Variants in CSNK2A2 observed in about 807,000 individuals in gnomAD.
CSNK2A2 encodes the protein casein kinase 2 alpha 2, also known as casein kinase II subunit alpha'.
Under a neutral mutation model 54.0 loss-of-function variants are expected in CSNK2A2, and 8 were observed. The ratio of observed to expected loss-of-function variants is 0.15; its 90% CI spans 0.09 to 0.27. The LOEUF is 0.27. Among genes scored for constraint, CSNK2A2 ranks in the 10% least tolerant of loss-of-function variants. CSNK2A2 has a pLI of 1.00. For synonymous variants in CSNK2A2, 141 were observed against 153.9 expected, an observed-to-expected ratio of 0.92 and a Z score of 0.62; for missense variants, 242 against 439.4, an observed-to-expected ratio of 0.55 and a Z score of 4.02.
chr16:58,165,088 T>C (rs1961529085), intron 10 of CSNK2A2, among the ~76,000 whole-genome samples: 1 of 152,174 alleles, frequency 6.6e-6, no homozygotes, highest in African/African-American at 2.4e-5. Context: ...AGTGAGCAGT[T>C]CAGTCAAGAT....
intron 9 of CSNK2A2, 151 bp from the exon 10 acceptor site, chr16:58,165,859 T>A: frequency 1.4e-6 from 1 of 731,822 alleles, no homozygotes. Context: ...GCCCCATAGT[T>A]ACAGCATAGC....
Position 58,197,072 on chromosome 16 carries a change from A to T in CSNK2A2, c.105-228T>A, listed in dbSNP as rs1189984846. ...CCTAACTTGGGAAGATGGGGCAGGA[A>T]GGCAACGCTCTGAGCCAATCCAGAG... On this transcript the variant is annotated intron_variant, in intron 1 of 11. Transcript: ENST00000262506. The surrounding 1 kb of genome is among the most constrained non-coding windows in gnomAD (Gnocchi z 4.0). The T allele has an allele frequency of 2.0e-6, 1 of 509,660 alleles. No homozygotes were observed. Among genetic ancestry groups the T allele is most frequent in the Non-Finnish European group, 3.6e-6 (1 of 280,098 alleles). The allele number at this position is 509,660 out of a possible 1,614,324, so 31.6% of individuals were successfully genotyped here. A position where few individuals can be genotyped will look rare whatever the true frequency, so the allele number is the denominator to read the frequency against.
intron 4 of CSNK2A2, 137 bp downstream of exon 4, chr16:58,184,123 G>T: frequency 1.6e-6 from 1 of 640,234 alleles, no homozygotes; most frequent in Non-Finnish European, 2.7e-6. Flanking sequence ...CTGCACTCAT[G>T]CCTTAAGGAA....
intron 8 of CSNK2A2, among the ~76,000 whole-genome samples, chr16:58,166,963 T>G (rs1451293192): frequency 6.6e-6 from 1 of 152,192 alleles, no homozygotes; most frequent in East Asian, 1.9e-4. Context: ...CTAGTTTTAT[T>G]AGACAAGGAG....
At chr16:58,195,585 C>T (rs1050288939) in intron 2 of CSNK2A2, among the ~76,000 whole-genome samples, 9 of 152,210 alleles carry the variant, frequency 5.9e-5, no homozygotes, top group Non-Finnish European at 1.2e-4. Context: ...TTCTCAATCT[C>T]TCACTAAATG....
At position 58,197,749 on chromosome 16, in the gene CSNK2A2, C is replaced by A; in HGVS notation, c.-13G>T. 1.7e-6 allele frequency: 2 copies of A among 1,193,342 alleles called. No homozygotes were observed. The highest frequency in any genetic ancestry group is 4.3e-5 in the East Asian group (1 of 23,434). The allele number at this position is 1,193,342 out of a possible 1,614,324, so 73.9% of individuals were successfully genotyped here. ...CCGGGCCGGGCATGGCGGGCGGGAC[C>A]GGGGGGCGGCGCGGGGCGCAGAGGG... On this transcript the variant is annotated 5_prime_UTR_variant, in exon 1 of 12. Transcript: ENST00000262506. The surrounding 1 kb of genome is among the most constrained non-coding windows in gnomAD (Gnocchi z 4.0).
chr16:58,197,576 G>T lies in CSNK2A2; in HGVS notation c.104+57C>A. On this transcript the variant is annotated intron_variant, in intron 1 of 11. Coordinates refer to ENST00000262506, the MANE Select transcript of CSNK2A2 (RefSeq NM_001896.4). This position sits in a 1 kb window ranked among gnomAD's most constrained non-coding sequence, Gnocchi z 4.0. The stretch of plus-strand genomic sequence containing the variant: ...CCGGGCCCGAGTGCGGTTCGCAGGG[G>T]GTGGCCGGGCGGGGGCAGGGATCAG... 7.8e-7 allele frequency: 1 copy of T among 1,275,526 alleles called. No homozygotes were observed. Among genetic ancestry groups the T allele is most frequent in the East Asian group, 2.9e-5 (1 of 34,630 alleles). The allele number at this position is 1,275,526 out of a possible 1,614,324, so 79.0% of individuals were successfully genotyped here.
At chr16:58,167,836 C>G (rs1283909016) in intron 6 of CSNK2A2, 41 bp from the exon 7 acceptor site, 1 of 1,491,404 alleles carries the variant, frequency 6.7e-7, no homozygotes, top group Non-Finnish European at 9.4e-7. Context: ...AGGAGTGTTT[C>G]TAGACGCCTA....
At chr16:58,171,110 T>C (rs1053519876) in intron 5 of CSNK2A2, among the ~76,000 whole-genome samples, 1 of 152,116 alleles carries the variant, frequency 6.6e-6, no homozygotes, top group African/African-American at 2.4e-5. Context: ...TTGAGGACAC[T>C]TGAATGGACT....
intron 3 of CSNK2A2, 23 bp downstream of exon 3, chr16:58,186,732 T>A: frequency 6.3e-7 from 1 of 1,574,988 alleles, no homozygotes. Flanking sequence ...ACTAGTATAC[T>A]CCCCCAACCA....
At chr16:58,171,979 A>ATATATATTTTTTT (rs1261137669) in intron 5 of CSNK2A2, among the ~76,000 whole-genome samples, 10 of 66,182 alleles carry the variant, frequency 1.5e-4, no homozygotes, top group Non-Finnish European at 2.0e-4. Flanking sequence ...ATATATATAT[A>ATATATATTTTTTT]TTTTTTTTTT....
At chr16:58,183,341 C>T (rs1236585118) in intron 4 of CSNK2A2, among the ~76,000 whole-genome samples, 1 of 151,248 alleles carries the variant, frequency 6.6e-6, no homozygotes, top group African/African-American at 2.4e-5. Flanking sequence ...CACACCATTG[C>T]ACTCCTGCCT....
At chr16:58,175,578 G>A (rs748436952) in intron 4 of CSNK2A2, among the ~76,000 whole-genome samples, 4 of 152,128 alleles carry the variant, frequency 2.6e-5, no homozygotes, top group East Asian at 3.9e-4. Context: ...CTGGTTTCAC[G>A]TATATATGTG....
At chr16:58,181,234 A>G (rs1962032250) in intron 4 of CSNK2A2, among the ~76,000 whole-genome samples, 1 of 152,234 alleles carries the variant, frequency 6.6e-6, no homozygotes, top group African/African-American at 2.4e-5. Context: ...GCCAACAGCG[A>G]AAGGCCAAAA....
At chr16:58,195,344 T>C (rs1962412184) in intron 2 of CSNK2A2, among the ~76,000 whole-genome samples, 1 of 152,224 alleles carries the variant, frequency 6.6e-6, no homozygotes, top group Admixed American at 6.5e-5. Context: ...TCTGCTCCTT[T>C]ATCACTAGGC....
intron 10 of CSNK2A2, 123 bp from the exon 11 acceptor site, chr16:58,164,270 C>A: frequency 2.8e-6 from 2 of 713,528 alleles, no homozygotes; most frequent in Non-Finnish European, 4.7e-6. Flanking sequence ...GTCAGGGGGG[C>A]AACAGGAGAG....
At chr16:58,172,001 T>G (rs1321748598) in intron 5 of CSNK2A2, among the ~76,000 whole-genome samples, 1 of 102,488 alleles carries the variant, frequency 9.8e-6, no homozygotes, top group African/African-American at 4.3e-5. Flanking sequence ...TTTTTTTTTT[T>G]GGTAGCTATG....
At chr16:58,193,781 C>T (rs1227404596) in intron 2 of CSNK2A2, among the ~76,000 whole-genome samples, 1 of 152,174 alleles carries the variant, frequency 6.6e-6, no homozygotes, top group Non-Finnish European at 1.5e-5. Context: ...TCTGCCCTGC[C>T]ATATAAACGC....
At chr16:58,195,444 T>C (rs8056660) in intron 2 of CSNK2A2, among the ~76,000 whole-genome samples, 13,733 of 152,176 alleles carry the variant, frequency 0.09, 1,723 homozygotes, top group African/African-American at 0.28. Context: ...AAACAGGGAT[T>C]ACCTATACCA....
Sources: allele counts gnomAD v4.1 joint callset (sites outside exome capture counted in the v4.1 genomes callset), GRCh38; gene constraint gnomAD v4.1.1; non-coding constraint Gnocchi (gnomAD v3.1); transcripts MANE v1.5; gene names NCBI Gene and HGNC (gene_info 2026-07-23, HGNC 2026-07-21).